Variants in PHRF1 observed in about 807,000 individuals in gnomAD.
PHRF1 encodes the protein PHD and RING finger domain-containing protein 1.
Under a neutral mutation model 128.9 loss-of-function variants are expected in PHRF1, and 53 were observed. The observed-to-expected ratio is 0.41, with a 90% CI of 0.33 to 0.52. PHRF1 has a LOEUF of 0.52. Ranked by LOEUF, PHRF1 falls within the 20% of genes least tolerant of loss-of-function variation. The probability of loss-of-function intolerance (pLI) is 0.21; values close to 1 mark genes in which losing one functional copy is unlikely to be tolerated. For missense variants in PHRF1, 2,503 were observed against 2,284.5 expected (o/e 1.10, Z -1.95); for synonymous variants, 1,178 against 980.6 (o/e 1.20, Z -3.76).
At chr11:605,061 C>A in intron 10 of PHRF1, 58 bp from the exon 11 acceptor site, 7 of 1,504,856 alleles carry the variant, frequency 4.7e-6, no homozygotes, top group Non-Finnish European at 6.3e-6. Flanking sequence ...ATTTACAGAG[C>A]CCTCGTAGAT....
Position 609,430 on chromosome 11 carries a change from T to G in PHRF1, c.3974T>G (p.Leu1325Trp), listed in dbSNP as rs1373853513. 1 of 1,608,288 alleles carries G rather than the reference T, an allele frequency of 6.2e-7. No homozygotes were observed. Among genetic ancestry groups the G allele is most frequent in the Admixed American group, 1.7e-5 (1 of 59,992 alleles). Residue 1325 changes from leucine (L) to tryptophan (W), a missense_variant, in exon 14 of 18, where the codon TTG becomes TGG. Leu to Trp is a moderately conservative substitution (Grantham distance 61). Coordinates refer to ENST00000264555, the MANE Select transcript of PHRF1 (RefSeq NM_001286581.2). The stretch of plus-strand genomic sequence containing the variant: ...GCCGCCATCCAGAGGGAGGTGTCAT[T>G]GATGCACGATGAAGACCCTTCGCAG... ...AVAAIQREVS[L>W]MHDEDPSQPP...
rs778709902 is a variant in PHRF1, at chr11:610,290, G to C, written c.4359G>C (p.Leu1453=). The stretch of plus-strand genomic sequence containing the variant: ...GGGTCAGGCAGGTGTTCTCCGAGCT[G>C]CCCTTTCCCAGTCACGTGCTTCCGG... The part of the protein sequence containing the change: ...PTGVRQVFSE[L]PFPSHVLPEP... Residue 1453 remains leucine, a synonymous_variant, in exon 15 of 18, where the codon CTG becomes CTC. Transcript: ENST00000264555. The C allele has an allele frequency of 3.0e-5, 47 of 1,563,144 alleles. No individual in the cohort carries two copies. The highest frequency in any genetic ancestry group is 3.8e-5 in the Non-Finnish European group (44 of 1,153,878).
Position 608,756 on chromosome 11 carries a change from C to T in PHRF1, c.3300C>T (p.Ser1100=). 1.2e-6 allele frequency: 2 copies of T among 1,611,576 alleles called. No individual in the cohort carries two copies. Among genetic ancestry groups the T allele is most frequent in the South Asian group, 2.2e-5 (2 of 90,976 alleles). Residue 1100 remains serine (S), a synonymous_variant, in exon 14 of 18, where the codon TCC becomes TCT. Transcript: ENST00000264555. ...RSRSGSPGSS[S]YEHYESRKKK... ...GGTCGGGGAGCCCTGGCAGCTCTTC[C>T]TATGAGCACTATGAGAGTAGGAAGA...
Position 608,728 on chromosome 11 carries a change from C to T in PHRF1, c.3272C>T (p.Ser1091Leu), listed in dbSNP as rs764230256. ...GGCCACAGCCGGAGGACGTCCCGGT[C>T]GCGGTCGGGGAGCCCTGGCAGCTCT... The part of the protein sequence containing the change: ...PWGHSRRTSR[S>L]RSGSPGSSSY... The change falls in exon 14 of 18, where the codon TCG becomes TTG. Residue 1091 changes from serine (S) to leucine (L), a missense_variant. By Grantham distance (145) the Ser-to-Leu change is moderately radical (BLOSUM62 -2). Coordinates refer to ENST00000264555, the MANE Select transcript of PHRF1 (RefSeq NM_001286581.2). The T allele has an allele frequency of 1.1e-5, 17 of 1,611,148 alleles. No homozygotes were observed. Among genetic ancestry groups the T allele is most frequent in the Non-Finnish European group, 1.4e-5 (16 of 1,179,422 alleles).
chr11:581,632 G>A (rs1426296587), intron 2 of PHRF1, 26 bp downstream of exon 2: 1 of 1,590,018 alleles, frequency 6.3e-7, no homozygotes, highest in South Asian at 1.1e-5. Flanking sequence ...CCGGGTAGGG[G>A]CGTCCCCAGG....
chr11:605,041 T>C, intron 10 of PHRF1, 78 bp from the exon 11 acceptor site: 1 of 1,406,650 alleles, frequency 7.1e-7, no homozygotes, highest in Non-Finnish European at 9.7e-7. Flanking sequence ...TGATGAAGGC[T>C]TCACGTGGCA....
chr11:606,368 C>T (rs767041074), intron 12 of PHRF1, 74 bp from the exon 13 acceptor site: 48 of 1,459,576 alleles, frequency 3.3e-5, no homozygotes, highest in East Asian at 1.5e-4. Context: ...CCGCCTGCTG[C>T]GGGGCTCTGC....
intron 1 of PHRF1, among the ~76,000 whole-genome samples, chr11:578,963 C>T (rs993902481): frequency 1.5e-4 from 23 of 152,190 alleles, no homozygotes; most frequent in Non-Finnish European, 1.9e-4. Context: ...AATTCTCCTC[C>T]GGAGTAGCTG....
At chr11:602,714 G>A (rs1855699264) in intron 10 of PHRF1, among the ~76,000 whole-genome samples, 1 of 151,832 alleles carries the variant, frequency 6.6e-6, no homozygotes, top group Admixed American at 6.6e-5. Context: ...AAACTGAGTT[G>A]CAGCCATTGT....
intron 1 of PHRF1, among the ~76,000 whole-genome samples, chr11:577,820 C>T (rs987164975): frequency 2.6e-5 from 4 of 152,266 alleles, no homozygotes; most frequent in African/African-American, 9.6e-5. Context: ...ACCAGAGGCC[C>T]TTTTCATTCC....
chr11:579,191 T>A (rs1388390169), intron 1 of PHRF1, among the ~76,000 whole-genome samples: 1 of 151,488 alleles, frequency 6.6e-6, no homozygotes, highest in Non-Finnish European at 1.5e-5. Context: ...AAATGAGGAT[T>A]TGCACTCGGG....
intron 3 of PHRF1, among the ~76,000 whole-genome samples, chr11:584,863 G>A (rs930785034): frequency 3.3e-5 from 5 of 150,400 alleles, no homozygotes; most frequent in Non-Finnish European, 5.9e-5. Context: ...TCAGCCTCTC[G>A]AGTAGCTCGG....
chr11:601,263 C>T (rs1028418979), intron 9 of PHRF1, among the ~76,000 whole-genome samples: 2 of 150,714 alleles, frequency 1.3e-5, no homozygotes, highest in Admixed American at 1.3e-4. Flanking sequence ...CATGATAAGC[C>T]CTATCTATAA....
At chr11:593,640 GGGGCC>G (rs1855113821) in intron 6 of PHRF1, among the ~76,000 whole-genome samples, 8 of 152,234 alleles carry the variant, frequency 5.3e-5, no homozygotes, top group Admixed American at 5.2e-4. Context: ...AGACACTGCA[GGGGCC>G]TCCTTGGGGG....
intron 3 of PHRF1, among the ~76,000 whole-genome samples, chr11:586,643 G>T (rs991052024): frequency 1.3e-5 from 2 of 152,160 alleles, no homozygotes; most frequent in Non-Finnish European, 2.9e-5. Flanking sequence ...GGGCTCTGCC[G>T]TGTTGAACTC....
At chr11:586,064 T>G (rs902796653) in intron 3 of PHRF1, among the ~76,000 whole-genome samples, 1 of 152,060 alleles carries the variant, frequency 6.6e-6, no homozygotes, top group Non-Finnish European at 1.5e-5. Flanking sequence ...TTTCACCATG[T>G]TGGCCAGGCT....
chr11:602,781 T>TTTA (rs1491185260), intron 10 of PHRF1, among the ~76,000 whole-genome samples: 1 of 151,152 alleles, frequency 6.6e-6, no homozygotes. Flanking sequence ...TTTTTTTTTT[T>TTTA]GAGATGGAGT....
intron 3 of PHRF1, among the ~76,000 whole-genome samples, chr11:583,868 G>C (rs907903823): frequency 6.6e-6 from 1 of 152,218 alleles, no homozygotes; most frequent in Non-Finnish European, 1.5e-5. Context: ...CCCTGCTGTG[G>C]TTGCTTCCTC....
intron 10 of PHRF1, among the ~76,000 whole-genome samples, chr11:603,058 C>G (rs764609759): frequency 6.6e-5 from 10 of 151,630 alleles, no homozygotes; most frequent in Admixed American, 3.9e-4. Flanking sequence ...CCGTGCCCAG[C>G]CTTTGTTTTG....
Sources: gnomAD v4.1 joint callset for allele counts (sites outside exome capture counted in the v4.1 genomes callset) on GRCh38, gnomAD v4.1.1 for gene constraint, MANE v1.5 for transcripts, NCBI Gene and HGNC (gene_info 2026-07-23, HGNC 2026-07-21) for gene names.